MROH7: variants seen among roughly 807,000 people sequenced by gnomAD.
MROH7 encodes maestro heat like repeat family member 7.
Under a neutral mutation model 129.2 loss-of-function variants are expected in MROH7, and 113 were observed. That is an observed-to-expected ratio of 0.87 (90% CI 0.75 to 1.02). The LOEUF is 1.02. Ranked by LOEUF, MROH7 falls within the 50% of genes least tolerant of loss-of-function variation. The pLI, the probability that MROH7 is intolerant of heterozygous loss-of-function variation, is 0.00. For synonymous variants in MROH7, 655 were observed against 667.9 expected (o/e 0.98, Z 0.30); for missense variants, 1,601 against 1,671.3 (o/e 0.96, Z 0.73).
At chr1:54,708,441 C>CAAACAAACAAACAAACA (rs577058388) in intron 22 of MROH7, among the ~76,000 whole-genome samples, 2 of 151,804 alleles carry the variant, frequency 1.3e-5, no homozygotes, top group African/African-American at 4.8e-5. Context: ...AACAAACAAA[C>CAAACAAACAAACAAACA]AATAGTGAGG....
Position 54,679,441 on chromosome 1 carries a change from T to C in MROH7, c.2226+2T>C. The C allele has an allele frequency of 6.2e-7, 1 of 1,611,370 alleles. No homozygotes were observed. The highest frequency in any genetic ancestry group is 1.7e-5 in the Admixed American group (1 of 59,940). On this transcript the variant is annotated splice_donor_variant, in intron 12 of 23. Transcript: ENST00000421030. LOFTEE classifies it high-confidence loss of function. ...TACCGCCACAGGGCGCTGGAGGTGG[T>C]AAGGCCTCCTGGGGGCAGGGAGTGA... is the stretch of plus-strand genomic sequence containing the variant.
chr1:54,673,610 T>G, intron 8 of MROH7, 91 bp from the exon 9 acceptor site: 1 of 914,516 alleles, frequency 1.1e-6, no homozygotes, highest in Non-Finnish European at 1.8e-6. Flanking sequence ...CTCTGGAAGC[T>G]TCCTGCTGAT....
intron 17 of MROH7, chr1:54,699,159 T>TTTCTTTTCTTTCTTTCTTTCTTTC (rs71048705): frequency 7.0e-4 from 46 of 65,940 alleles, no homozygotes; most frequent in Admixed American, 1.4e-3. Context: ...TCTTTCTTTC[T>TTTCTTTTCTTTCTTTCTTTCTTTC]TTTCTTTCTT....
Position 54,654,054 on chromosome 1 carries a change from T to C in MROH7, c.1128T>C (p.Ser376=), listed in dbSNP as rs759530332. ...TGCCCCTGGAGGAGAATCTGGAGAG[T>C]TGGAGTGAGATGGCCAGCATTAAGG... ...HTVPLEENLE[S]WSEMASIKVG... Residue 376 remains serine, a synonymous_variant, in exon 3 of 24, where the codon AGT becomes AGC. Coordinates refer to ENST00000421030, the MANE Select transcript of MROH7 (RefSeq NM_001039464.4). The C allele has an allele frequency of 7.4e-6, 12 of 1,613,664 alleles. No individual in the cohort carries two copies. The highest frequency in any genetic ancestry group is 1.0e-5 in the Non-Finnish European group (12 of 1,179,916).
chr1:54,699,163 CTTTCTTTCTTTCTTTCTTTCTTTCTCTT>C (rs1557727283), intron 17 of MROH7: 1 of 85,956 alleles, frequency 1.2e-5, no homozygotes, highest in African/African-American at 5.0e-5. Context: ...TCTTTCTTTT[CTTTCTTTCTTTCTTTCTTTCTTTCTCTT>C]TCTTTCTTTC....
In MROH7 at chr1:54,709,927, T is replaced by A. The variant is rs1645596519; in HGVS notation, c.3731-19T>A. ...GCCCTGGGTCTTAATAGGAGGCTTC[T>A]CCCTTCCCCATGACGCAGCTCTGGA... is the stretch of plus-strand genomic sequence containing the variant. On this transcript the variant is annotated intron_variant, in intron 23 of 23. Coordinates refer to ENST00000421030, the MANE Select transcript of MROH7 (RefSeq NM_001039464.4). 3 of 1,604,418 alleles carry A rather than the reference T, an allele frequency of 1.9e-6. No individual in the cohort carries two copies. Among genetic ancestry groups the A allele is most frequent in the African/African-American group, 1.3e-5 (1 of 74,680 alleles).
chr1:54,645,405 G>T (rs892784651), intron 1 of MROH7, among the ~76,000 whole-genome samples: 2 of 151,792 alleles, frequency 1.3e-5, no homozygotes, highest in African/African-American at 4.8e-5. Flanking sequence ...CAAGCCTCCT[G>T]AGTAGCTGGG....
chr1:54,682,005 G>A (rs193260875), intron 13 of MROH7, among the ~76,000 whole-genome samples: 175 of 151,220 alleles, frequency 1.2e-3, no homozygotes, highest in African/African-American at 4.2e-3. Flanking sequence ...GATCTTGAGT[G>A]TCTTGAATCC....
intron 15 of MROH7, among the ~76,000 whole-genome samples, chr1:54,689,175 G>A (rs1247608818): frequency 1.3e-5 from 2 of 152,160 alleles, no homozygotes; most frequent in Non-Finnish European, 2.9e-5. Flanking sequence ...AACCATGTGG[G>A]CACTGAATCC....
At chr1:54,702,576 A>T in intron 20 of MROH7, 47 bp from the exon 21 acceptor site, 1 of 1,482,628 alleles carries the variant, frequency 6.7e-7, no homozygotes, top group Non-Finnish European at 9.0e-7. Context: ...TCTGGACCAT[A>T]GTCTGGCTGT....
chr1:54,683,635 C>T (rs1013094315), intron 14 of MROH7, among the ~76,000 whole-genome samples: 5 of 152,190 alleles, frequency 3.3e-5, no homozygotes, highest in African/African-American at 9.7e-5. Context: ...CTACCTGTGG[C>T]GAAGGCCCTG....
chr1:54,649,741 G>C (rs755821383), intron 1 of MROH7, among the ~76,000 whole-genome samples: 2 of 152,218 alleles, frequency 1.3e-5, no homozygotes, highest in Non-Finnish European at 2.9e-5. Context: ...ATGGTCCTGT[G>C]TGTGTGCATG....
chr1:54,692,336 C>T (rs908712539), intron 15 of MROH7, 88 bp from the exon 16 acceptor site: 1 of 1,540,252 alleles, frequency 6.5e-7, no homozygotes, highest in Non-Finnish European at 8.8e-7. Context: ...GTTTGTCGGG[C>T]CAGATGGCAG....
chr1:54,691,986 T>A (rs1193926748), intron 15 of MROH7, among the ~76,000 whole-genome samples: 1 of 143,998 alleles, frequency 6.9e-6, no homozygotes, highest in Non-Finnish European at 1.5e-5. Flanking sequence ...TGACAAGCAC[T>A]GGCCAGAGCC....
intron 11 of MROH7, 88 bp downstream of exon 11, chr1:54,678,942 C>A: frequency 9.2e-7 from 1 of 1,081,628 alleles, no homozygotes; most frequent in Admixed American, 1.9e-5. Flanking sequence ...TCCCTTCTAG[C>A]TTTCCAGGCT....
At chr1:54,661,268 A>G (rs1361912148) in intron 3 of MROH7, among the ~76,000 whole-genome samples, 1 of 152,234 alleles carries the variant, frequency 6.6e-6, no homozygotes, top group Non-Finnish European at 1.5e-5. Context: ...GCTGGAGTGC[A>G]GTGGCACAAT....
intron 3 of MROH7, chr1:54,658,994 A>T (rs1034242812): frequency 3.3e-6 from 1 of 306,362 alleles, no homozygotes; most frequent in Non-Finnish European, 6.4e-6. Context: ...CGGAGGTGAC[A>T]ATTCTGATTT....
chr1:54,656,797 C>T (rs903860069), intron 3 of MROH7, among the ~76,000 whole-genome samples: 5 of 151,856 alleles, frequency 3.3e-5, no homozygotes, highest in African/African-American at 7.3e-5. Flanking sequence ...GGCGACACAG[C>T]GGGACTCTGT....
At chr1:54,642,630 T>C (rs542566293) in intron 1 of MROH7, among the ~76,000 whole-genome samples, 1 of 152,260 alleles carries the variant, frequency 6.6e-6, no homozygotes, top group Admixed American at 6.5e-5. Flanking sequence ...TTATTTTATT[T>C]TTTGAGACAG....
Sources: allele counts gnomAD v4.1 joint callset (sites outside exome capture counted in the v4.1 genomes callset), GRCh38; gene constraint gnomAD v4.1.1; transcripts MANE v1.5; gene names NCBI Gene and HGNC (gene_info 2026-07-23, HGNC 2026-07-21).